VAC14: variants seen among roughly 807,000 people sequenced by gnomAD.
The protein encoded by VAC14 is VAC14 component of PIKFYVE complex, also known as protein VAC14 homolog.
Under a neutral mutation model 85.3 loss-of-function variants are expected in VAC14, and 47 were observed. That is an observed-to-expected ratio of 0.55 (90% CI 0.44 to 0.70). The LOEUF (loss-of-function observed/expected upper bound fraction) is 0.70, where lower values mean the gene tolerates loss of function less well. Ranked by LOEUF, VAC14 falls within the 30% of genes least tolerant of loss-of-function variation. The probability of loss-of-function intolerance (pLI) is 0.00; values close to 1 mark genes in which losing one functional copy is unlikely to be tolerated. For missense variants in VAC14, 861 were observed against 1,004.3 expected (o/e 0.86, Z 1.93); for synonymous variants, 447 against 430.5 (o/e 1.04, Z -0.47).
chr16:70,731,208 G>T, intron 14 of VAC14: 1 of 969,544 alleles, frequency 1.0e-6, no homozygotes, highest in Non-Finnish European at 1.3e-6. Flanking sequence ...CCTGACAATG[G>T]CATTGAATAA....
chr16:70,701,366 A>C (rs1281091682), intron 14 of VAC14, among the ~76,000 whole-genome samples: 1 of 152,082 alleles, frequency 6.6e-6, no homozygotes, highest in East Asian at 1.9e-4. Context: ...TGGTGTCCCC[A>C]TAGACTTGCC....
intron 1 of VAC14, 45 bp from the exon 2 acceptor site, chr16:70,786,410 G>A (rs1357709840): frequency 6.3e-7 from 1 of 1,598,298 alleles, no homozygotes; most frequent in Non-Finnish European, 8.6e-7. Context: ...GGCTACCTCT[G>A]CTGTGGCCTC....
intron 9 of VAC14, among the ~76,000 whole-genome samples, chr16:70,779,679 C>CA (rs1491137771): frequency 7.1e-6 from 1 of 140,188 alleles, no homozygotes; most frequent in Non-Finnish European, 1.5e-5. Flanking sequence ...GGTTATATCT[C>CA]AGTTTACTCT....
intron 18 of VAC14, chr16:70,689,543 C>T (rs2053560207): frequency 1.0e-6 from 1 of 985,594 alleles, no homozygotes. Context: ...CCATCTGGGG[C>T]CCGGAGGCGG....
chr16:70,731,443 GA>G, intron 14 of VAC14, 51 bp downstream of exon 14: 1 of 1,583,240 alleles, frequency 6.3e-7, no homozygotes, highest in Non-Finnish European at 8.6e-7. Context: ...GCGTGAAAGT[GA>G]AAAGCCGGGG....
intron 9 of VAC14, among the ~76,000 whole-genome samples, chr16:70,776,035 G>A (rs2033499502): frequency 6.6e-6 from 1 of 152,168 alleles, no homozygotes; most frequent in Admixed American, 6.5e-5. Flanking sequence ...CCCTAAGCTT[G>A]CTATGACAAT....
chr16:70,796,932 T>C (rs2034570716), intron 1 of VAC14, among the ~76,000 whole-genome samples: 1 of 152,100 alleles, frequency 6.6e-6, no homozygotes, highest in Non-Finnish European at 1.5e-5. Context: ...AGTGTCCTCA[T>C]AAAAGGAGAC....
intron 12 of VAC14, among the ~76,000 whole-genome samples, chr16:70,757,437 T>TG (rs1229435699): frequency 1.3e-5 from 2 of 152,164 alleles, no homozygotes; most frequent in African/African-American, 4.8e-5. Context: ...GCCTTGCTCC[T>TG]GCTCTGGGCA....
At chr16:70,773,764 T>G (rs1035419797) in intron 9 of VAC14, among the ~76,000 whole-genome samples, 1 of 151,978 alleles carries the variant, frequency 6.6e-6, no homozygotes, top group Admixed American at 6.6e-5. Flanking sequence ...TCAATTATTA[T>G]TATTATTATT....
At chr16:70,778,754 C>T (rs1489614365) in intron 9 of VAC14, 7 of 152,182 alleles carry the variant, frequency 4.6e-5, no homozygotes, top group Admixed American at 1.3e-4. Flanking sequence ...ATATTAAAAA[C>T]TGGAAAAAAT....
chr16:70,731,397 A>G, intron 14 of VAC14, 98 bp downstream of exon 14: 1 of 1,528,300 alleles, frequency 6.5e-7, no homozygotes. Flanking sequence ...AGGAGAGAGA[A>G]GGGAAAGAGA....
At chr16:70,764,657 T>C (rs953420571) in intron 10 of VAC14, among the ~76,000 whole-genome samples, 1 of 152,222 alleles carries the variant, frequency 6.6e-6, no homozygotes, top group African/African-American at 2.4e-5. Context: ...TATTAGCATC[T>C]CAACATGTAA....
At chr16:70,688,291 G>A (rs571656409) in intron 18 of VAC14, 4 of 1,226,912 alleles carry the variant, frequency 3.3e-6, no homozygotes, top group African/African-American at 1.6e-5. Context: ...CGCAGTTGGT[G>A]GGAACAGCTA....
Position 70,761,448 on chromosome 16 carries a change from C to A in VAC14, c.1371+1092G>T, listed in dbSNP as rs978290259. Among the ~76,000 whole-genome samples the A allele has an allele frequency of 2.0e-5, 3 of 152,212 alleles. No homozygotes were observed. In the South Asian group the frequency reaches 6.2e-4, roughly 31 times the overall value. ...TGGACCGTCAGCATCTGAGATGCAGCCTGAAGAGCTGGTATGGATGGAGGG... is the reference window on the plus strand; with the variant it reads ...TGGACCGTCAGCATCTGAGATGCAGACTGAAGAGCTGGTATGGATGGAGGG... On this transcript the variant is annotated intron_variant, in intron 12 of 18. Transcript: ENST00000261776.
chr16:70,763,353 T>TTTC (rs1216641858), intron 10 of VAC14, among the ~76,000 whole-genome samples: 1 of 152,186 alleles, frequency 6.6e-6, no homozygotes, highest in East Asian at 1.9e-4. Context: ...TTCCTTTTCT[T>TTTC]TCTCCAGCAC....
chr16:70,800,041 T>C (rs2034703781), intron 1 of VAC14, among the ~76,000 whole-genome samples: 1 of 152,226 alleles, frequency 6.6e-6, no homozygotes, highest in Non-Finnish European at 1.5e-5. Flanking sequence ...GCCTGCTTCT[T>C]TCCAATTTTC....
At chr16:70,693,997 G>A (rs773557951) in intron 17 of VAC14, among the ~76,000 whole-genome samples, 4 of 152,228 alleles carry the variant, frequency 2.6e-5, no homozygotes, top group African/African-American at 7.2e-5. Context: ...AGGCCTGGCT[G>A]CCCAGCAGAA....
chr16:70,729,529 T>C (rs1172824497), intron 14 of VAC14, among the ~76,000 whole-genome samples: 1 of 152,130 alleles, frequency 6.6e-6, no homozygotes, highest in Non-Finnish European at 1.5e-5. Flanking sequence ...CCCAGCAGCA[T>C]TCAGGCTCCT....
rs1165225012 is a variant in VAC14, at chr16:70,784,113, C to T, written c.594G>A (p.Trp198Ter). The change falls in exon 5 of 19, where the codon TGG becomes TGA. Residue 198 changes from tryptophan (W) to a stop codon, truncating the protein, a stop_gained and splice_region_variant. Coordinates refer to ENST00000261776, the MANE Select transcript of VAC14 (RefSeq NM_018052.5). LOFTEE classifies it high-confidence loss of function. The part of the protein sequence containing the change: ...NQYARQFIIS[W>*]ILVLESVPDI... ...GAAACGGTGTCCGGCCAGGCCTTAC[C>T]CAGGAGATGATGAACTGCCGGGCAT... The T allele has an allele frequency of 6.2e-7, 1 of 1,613,926 alleles. No homozygotes were observed.
Sources: gnomAD v4.1 joint callset for allele counts (sites outside exome capture counted in the v4.1 genomes callset) on GRCh38, gnomAD v4.1.1 for gene constraint, MANE v1.5 for transcripts, NCBI Gene and HGNC (gene_info 2026-07-23, HGNC 2026-07-21) for gene names.